RGS6: variants seen among roughly 807,000 people sequenced by gnomAD.
The protein encoded by RGS6 is regulator of G-protein signaling 6.
Under a neutral mutation model 78.5 loss-of-function variants are expected in RGS6, and 30 were observed. That is an observed-to-expected ratio of 0.38 (90% CI 0.29 to 0.52). The LOEUF is 0.52. Among genes scored for constraint, RGS6 ranks in the 20% least tolerant of loss-of-function variants. RGS6 has a pLI of 0.85. For missense variants in RGS6, 495 were observed against 609.7 expected, an observed-to-expected ratio of 0.81 and a Z score of 1.98; for synonymous variants, 206 against 206.0, an observed-to-expected ratio of 1.00 and a Z score of 0.00.
In RGS6 at chr14:72,244,260, C is replaced by CT. The variant is rs10587768; in HGVS notation, c.85-107818dup. Among the ~76,000 whole-genome samples, 141 of 140,122 alleles carry CT rather than the reference C, an allele frequency of 1.0e-3. 2 individuals carry two copies. The highest frequency in any genetic ancestry group is 7.6e-3 in the Middle Eastern group (2 of 264). 91.9% of individuals were successfully genotyped at this position (140,122 alleles called of 152,430 possible). A position where few individuals can be genotyped will look rare whatever the true frequency, so the allele number is the denominator to read the frequency against. ...ATGCTTTTGTTTTTTATTTGTCTAA[C>CT]TTTTTTTTTTTTTTTTTGGAGATTT... On this transcript the variant is annotated intron_variant, in intron 2 of 17. Transcript: ENST00000553525.
chr14:72,625,671 T>A, the RGS6 span, among the ~76,000 whole-genome samples: 5 of 152,226 alleles, frequency 3.3e-5, no homozygotes, highest in Non-Finnish European at 7.3e-5. Flanking sequence ...TAGGTACACA[T>A]GCATACATCT....
intron 2 of RGS6, among the ~76,000 whole-genome samples, chr14:72,099,668 G>A (rs1052340021): frequency 1.3e-5 from 2 of 152,104 alleles, no homozygotes; most frequent in African/African-American, 4.8e-5. Flanking sequence ...AAAAAGCTTG[G>A]GACAGTTGTA....
chr14:72,039,868 G>C (rs1360955389), intron 2 of RGS6, among the ~76,000 whole-genome samples: 1 of 12,590 alleles, frequency 7.9e-5, no homozygotes. Flanking sequence ...ATTTTCTTTT[G>C]TATGTCTTCT....
intron 3 of RGS6, among the ~76,000 whole-genome samples, chr14:72,449,604 A>C (rs1478069579): frequency 6.6e-6 from 1 of 152,230 alleles, no homozygotes; most frequent in Non-Finnish European, 1.5e-5. Flanking sequence ...GCGTTAATTC[A>C]GCATGGAAAG....
chr14:72,416,370 T>C (rs2332834), intron 3 of RGS6, among the ~76,000 whole-genome samples: 6,668 of 152,282 alleles, frequency 0.044, 415 homozygotes, highest in East Asian at 0.34. Context: ...GTCCCCTGCT[T>C]TCAGCTCTGA....
At chr14:71,942,602 C>T (rs2090789044) in intron 1 of RGS6, among the ~76,000 whole-genome samples, 1 of 152,170 alleles carries the variant, frequency 6.6e-6, no homozygotes, top group Non-Finnish European at 1.5e-5. Flanking sequence ...AAGATCCAGG[C>T]CTCCTGATAC....
At chr14:72,054,450 C>T (rs2093508367) in intron 2 of RGS6, among the ~76,000 whole-genome samples, 1 of 152,134 alleles carries the variant, frequency 6.6e-6, no homozygotes, top group African/African-American at 2.4e-5. Flanking sequence ...TGGGATGATT[C>T]TAGCATACTA....
chr14:72,309,101 T>G (rs1021561085), intron 2 of RGS6, among the ~76,000 whole-genome samples: 1 of 152,202 alleles, frequency 6.6e-6, no homozygotes, highest in African/African-American at 2.4e-5. Context: ...ATGTGTTCAC[T>G]GTTGCTCCCC....
In RGS6 at chr14:72,429,586, C is replaced by T. The variant is rs939780260; in HGVS notation, c.185-24942C>T. Among the ~76,000 whole-genome samples the T allele has an allele frequency of 2.0e-5, 3 of 152,092 alleles. No individual in the cohort carries two copies. The South Asian group carries it at 6.2e-4, about 32-fold the overall frequency. Reference sequence around the variant, plus strand: ...GGAATTTGAGGAGAAACATATCATTCATCAGAACTTAAATCTGCATTTTTA... The same window carrying T: ...GGAATTTGAGGAGAAACATATCATTTATCAGAACTTAAATCTGCATTTTTA... On this transcript the variant is annotated intron_variant, in intron 3 of 17. Coordinates refer to ENST00000553525, the MANE Select transcript of RGS6 (RefSeq NM_001204424.2).
intron 2 of RGS6, among the ~76,000 whole-genome samples, chr14:72,240,724 G>A (rs1212125428): frequency 2.0e-5 from 3 of 152,178 alleles, no homozygotes; most frequent in Non-Finnish European, 4.4e-5. Flanking sequence ...TGAAAGGTAT[G>A]TGATGGTCAT....
At chr14:72,336,848 A>G (rs1300118939) in intron 2 of RGS6, among the ~76,000 whole-genome samples, 1 of 152,140 alleles carries the variant, frequency 6.6e-6, no homozygotes, top group Non-Finnish European at 1.5e-5. Context: ...TCTGGCCTGT[A>G]GATGACTTTG....
At chr14:71,934,168 ACT>A (rs1230826096) in intron 1 of RGS6, among the ~76,000 whole-genome samples, 5 of 151,928 alleles carry the variant, frequency 3.3e-5, no homozygotes, top group African/African-American at 1.2e-4. Context: ...ATTTGGTGAG[ACT>A]CTTGAGAGAG....
At chr14:72,140,131 T>A (rs1038040337) in intron 2 of RGS6, among the ~76,000 whole-genome samples, 2 of 152,118 alleles carry the variant, frequency 1.3e-5, no homozygotes, top group Admixed American at 1.3e-4. Flanking sequence ...GCTATGATGC[T>A]CCCCAGGAAA....
intron 2 of RGS6, among the ~76,000 whole-genome samples, chr14:72,132,342 T>C (rs2096341537): frequency 6.6e-6 from 1 of 151,622 alleles, no homozygotes; most frequent in South Asian, 2.1e-4. Flanking sequence ...AGTGACATGA[T>C]CTCGGCTCAC....
Position 72,564,063 on chromosome 14 carries a change from C to T in RGS6, c.*1596C>T, listed in dbSNP as rs1438926218. 6.6e-6 allele frequency: 1 copy of T among 152,258 alleles called. No homozygotes were observed. Among genetic ancestry groups the T allele is most frequent in the Admixed American group, 6.5e-5 (1 of 15,284 alleles). 9.4% of individuals were successfully genotyped at this position (152,258 alleles called of 1,614,324 possible). A position where few individuals can be genotyped will look rare whatever the true frequency, so the allele number is the denominator to read the frequency against. ...GCCTCCTGGGTGCTCCCCAGTGACC[C>T]ATCTTTCCACCCCACCACCTCCAAG... On this transcript the variant is annotated 3_prime_UTR_variant, in exon 18 of 18. Coordinates refer to ENST00000553525, the MANE Select transcript of RGS6 (RefSeq NM_001204424.2).
intron 2 of RGS6, among the ~76,000 whole-genome samples, chr14:72,143,848 GAT>G (rs1398616993): frequency 6.6e-6 from 1 of 152,114 alleles, no homozygotes; most frequent in African/African-American, 2.4e-5. Flanking sequence ...ATGCAGGAAA[GAT>G]AGCATTTAAT....
At chr14:72,375,159 A>G (rs558119066) in intron 3 of RGS6, among the ~76,000 whole-genome samples, 94 of 152,330 alleles carry the variant, frequency 6.2e-4, no homozygotes, top group Non-Finnish European at 1.2e-3. Flanking sequence ...TTTGAGAAGT[A>G]AATAACAGAG....
At chr14:72,612,316 G>A in the RGS6 span, among the ~76,000 whole-genome samples, 3 of 151,912 alleles carry the variant, frequency 2.0e-5, no homozygotes, top group Admixed American at 1.3e-4. Context: ...AGCCAGGGAC[G>A]CCCTGCCTAC....
chr14:72,417,552 C>G (rs2093908757), intron 3 of RGS6, among the ~76,000 whole-genome samples: 1 of 152,208 alleles, frequency 6.6e-6, no homozygotes, highest in African/African-American at 2.4e-5. Flanking sequence ...CTGGCACTCT[C>G]TATTGACAGA....
Sources: gnomAD v4.1 joint callset for allele counts (sites outside exome capture counted in the v4.1 genomes callset) on GRCh38, gnomAD v4.1.1 for gene constraint, MANE v1.5 for transcripts, NCBI Gene and HGNC (gene_info 2026-07-23, HGNC 2026-07-21) for gene names.